PRKD1: variants seen among roughly 807,000 people sequenced by gnomAD.
The protein encoded by PRKD1 is serine/threonine-protein kinase D1.
A neutral mutation model predicts 95.9 loss-of-function variants in PRKD1; 63 were observed. The ratio of observed to expected loss-of-function variants is 0.66; its 90% CI spans 0.54 to 0.81. PRKD1 has a LOEUF of 0.81. Ranked by LOEUF, PRKD1 falls within the 30% of genes least tolerant of loss-of-function variation. The pLI is 0.00. For missense variants in PRKD1, 1,048 were observed against 1,165.3 expected (o/e 0.90, Z 1.47); for synonymous variants, 425 against 423.1 (o/e 1.00, Z -0.05).
At chr14:29,780,074 T>G (rs1340857502) in intron 1 of PRKD1, among the ~76,000 whole-genome samples, 3 of 152,204 alleles carry the variant, frequency 2.0e-5, no homozygotes, top group African/African-American at 7.2e-5. Flanking sequence ...TTGAGAAAAC[T>G]GGCTAGCCAT....
chr14:29,607,838 C>A (rs1351868431), intron 13 of PRKD1, among the ~76,000 whole-genome samples: 1 of 152,112 alleles, frequency 6.6e-6, no homozygotes, highest in Non-Finnish European at 1.5e-5. Context: ...TTACTGGTGT[C>A]AGAGATTAGG....
intron 1 of PRKD1, among the ~76,000 whole-genome samples, chr14:29,767,350 G>T (rs773604516): frequency 2.6e-5 from 4 of 152,054 alleles, no homozygotes; most frequent in Admixed American, 6.6e-5. Flanking sequence ...CACCCATGAG[G>T]TAGGATCCAT....
At chr14:29,625,841 A>G (rs1175223699) in intron 12 of PRKD1, among the ~76,000 whole-genome samples, 1 of 152,172 alleles carries the variant, frequency 6.6e-6, no homozygotes, top group Admixed American at 6.5e-5. Context: ...CTTATTGATA[A>G]TATTAAGGAA....
At chr14:29,895,019 C>T (rs1035774622) in intron 1 of PRKD1, among the ~76,000 whole-genome samples, 1 of 152,080 alleles carries the variant, frequency 6.6e-6, no homozygotes, top group South Asian at 2.1e-4. Context: ...TGGATACTCT[C>T]TAGCTCAACA....
At chr14:29,867,284 C>A (rs28401454) in intron 1 of PRKD1, among the ~76,000 whole-genome samples, 1 of 152,026 alleles carries the variant, frequency 6.6e-6, no homozygotes, top group African/African-American at 2.4e-5. Context: ...GCAGGGAAGG[C>A]CCATTTACAT....
chr14:29,850,453 A>AACACAC (rs57312847), intron 1 of PRKD1, among the ~76,000 whole-genome samples: 266 of 147,910 alleles, frequency 1.8e-3, no homozygotes, highest in African/African-American at 6.3e-3. Flanking sequence ...CCCCATTCAA[A>AACACAC]ACACACACAC....
At chr14:29,879,609 T>C (rs561667619) in intron 1 of PRKD1, among the ~76,000 whole-genome samples, 2 of 152,216 alleles carry the variant, frequency 1.3e-5, no homozygotes, top group South Asian at 4.2e-4. Flanking sequence ...GATACCCAAA[T>C]ATGTGGATGC....
intron 1 of PRKD1, among the ~76,000 whole-genome samples, chr14:29,892,911 T>C (rs572116047): frequency 6.6e-6 from 1 of 152,240 alleles, no homozygotes; most frequent in Admixed American, 6.5e-5. Flanking sequence ...ATCAAACTTA[T>C]GTTGGAATTG....
chr14:29,915,782 T>G (rs749760136), intron 1 of PRKD1, among the ~76,000 whole-genome samples: 1 of 152,194 alleles, frequency 6.6e-6, no homozygotes, highest in Non-Finnish European at 1.5e-5. Flanking sequence ...AGATTTAAAT[T>G]TCCTCCCATA....
rs2273815 is a variant in PRKD1 at position 29,578,374 on chromosome 14, C to T, written c.2435-14G>A. On this transcript the variant is annotated splice_polypyrimidine_tract_variant and intron_variant, in intron 16 of 17. Transcript: ENST00000331968. ...TAAGATCAATGGCTGAAAAAAATTA[C>T]CAGTAAAAATAGATGACAAATCTGT... 1,157,636 of 1,583,670 alleles carry T rather than the reference C, an allele frequency of 0.73. 426,890 individuals carry two copies. The highest frequency in any genetic ancestry group is 0.76 in the Non-Finnish European group (881,967 of 1,159,012).
chr14:29,717,595 T>A (rs192250727), intron 2 of PRKD1, among the ~76,000 whole-genome samples: 3 of 152,296 alleles, frequency 2.0e-5, no homozygotes, highest in Admixed American at 2.0e-4. Flanking sequence ...CTTGGAACAG[T>A]GCATAACATA....
intron 2 of PRKD1, among the ~76,000 whole-genome samples, chr14:29,703,720 A>T (rs770119633): frequency 1.3e-5 from 2 of 152,172 alleles, no homozygotes; most frequent in Non-Finnish European, 2.9e-5. Flanking sequence ...GTTAATGAAT[A>T]TATCTTTGGG....
At chr14:29,719,002 A>G (rs1885755537) in intron 2 of PRKD1, among the ~76,000 whole-genome samples, 1 of 151,984 alleles carries the variant, frequency 6.6e-6, no homozygotes, top group Non-Finnish European at 1.5e-5. Flanking sequence ...ACAAATTAAT[A>G]TAATATTATA....
rs114276256 is a variant in PRKD1 at position 29,895,867 on chromosome 14, C to A, written c.264+31382G>T. On this transcript the variant is annotated intron_variant, in intron 1 of 17. Transcript: ENST00000331968. ...CACTGTAACCTGCTCCCCAACTCTA[C>A]CCTGCCCTATGCACAGCAGTACCAG... Among the ~76,000 whole-genome samples, 833 of 152,320 alleles carry A rather than the reference C, an allele frequency of 5.5e-3. 3 individuals are homozygous for A. The highest frequency in any genetic ancestry group is 0.019 in the African/African-American group (786 of 41,578).
intron 1 of PRKD1, among the ~76,000 whole-genome samples, chr14:29,887,935 A>T (rs1893786943): frequency 6.6e-6 from 1 of 152,230 alleles, no homozygotes; most frequent in Non-Finnish European, 1.5e-5. Flanking sequence ...TTGTTAAGAG[A>T]TGCATTACTG....
intron 13 of PRKD1, among the ~76,000 whole-genome samples, chr14:29,612,717 CCTATACAG>C (rs1878555750): frequency 6.6e-6 from 1 of 152,054 alleles, no homozygotes; most frequent in African/African-American, 2.4e-5. Context: ...ATATACATAA[CCTATACAG>C]TTTATTTTGG....
chr14:29,616,726 C>T (rs1878893368), intron 13 of PRKD1, among the ~76,000 whole-genome samples: 1 of 152,130 alleles, frequency 6.6e-6, no homozygotes, highest in South Asian at 2.1e-4. Context: ...TCTGGAGGTT[C>T]TAGAGGGGGA....
At chr14:29,665,994 G>GT in intron 3 of PRKD1, 83 bp downstream of exon 3, 1 of 1,398,032 alleles carries the variant, frequency 7.2e-7, no homozygotes, top group Non-Finnish European at 9.5e-7. Flanking sequence ...TAGCTTTTAC[G>GT]TATCTTTGCA....
At chr14:29,907,607 A>G (rs1174664322) in intron 1 of PRKD1, among the ~76,000 whole-genome samples, 1 of 152,226 alleles carries the variant, frequency 6.6e-6, no homozygotes, top group African/African-American at 2.4e-5. Flanking sequence ...GTATAAACCA[A>G]AGTTTTCTCA....
Sources: allele counts gnomAD v4.1 joint callset (sites outside exome capture counted in the v4.1 genomes callset), GRCh38; gene constraint gnomAD v4.1.1; transcripts MANE v1.5; gene names NCBI Gene and HGNC (gene_info 2026-07-23, HGNC 2026-07-21).